Variants in HSD17B2 observed in about 807,000 individuals in gnomAD.
HSD17B2 encodes 17-beta-hydroxysteroid dehydrogenase type 2.
A neutral mutation model predicts 26.9 loss-of-function variants in HSD17B2; 32 were observed. That is an observed-to-expected ratio of 1.19 (90% CI 0.90 to 1.60). The LOEUF is 1.60. Ranked by LOEUF, HSD17B2 falls within the 40% of genes most tolerant of loss-of-function variation. The pLI, the probability that HSD17B2 is intolerant of heterozygous loss-of-function variation, is 0.00. For synonymous variants in HSD17B2, 246 were observed against 186.7 expected, an observed-to-expected ratio of 1.32 and a Z score of -2.59; for missense variants, 613 against 468.6, an observed-to-expected ratio of 1.31 and a Z score of -2.85.
intron 1 of HSD17B2, 113 bp from the exon 2 acceptor site, chr16:82,068,057 C>A: frequency 1.1e-6 from 1 of 943,792 alleles, no homozygotes. Context: ...TCAGGAACCC[C>A]TCTCTTCAGA....
chr16:82,068,044 TC>T, intron 1 of HSD17B2, 125 bp from the exon 2 acceptor site: 4 of 808,470 alleles, frequency 4.9e-6, no homozygotes, highest in Non-Finnish European at 7.8e-6. Flanking sequence ...TAAAGAAACT[TC>T]CTCAGGAACC....
chr16:82,042,600 CTTATA>C (rs556099667), intron 1 of HSD17B2, among the ~76,000 whole-genome samples: 395 of 152,110 alleles, frequency 2.6e-3, no homozygotes, highest in Non-Finnish European at 4.1e-3. Flanking sequence ...TGATTTCTTT[CTTATA>C]TTATATTTTA....
intron 1 of HSD17B2, among the ~76,000 whole-genome samples, chr16:82,047,987 T>C (rs980801995): frequency 7.2e-5 from 11 of 152,216 alleles, no homozygotes; most frequent in African/African-American, 2.7e-4. Context: ...AGGAGCTGAC[T>C]TTGCGAAAAA....
chr16:82,038,468 G>A (rs1913680167), intron 1 of HSD17B2, among the ~76,000 whole-genome samples: 1 of 152,188 alleles, frequency 6.6e-6, no homozygotes, highest in African/African-American at 2.4e-5. Context: ...TCCTGCCTCA[G>A]CCTCTCAAGT....
At chr16:82,047,823 G>A (rs1239989879) in intron 1 of HSD17B2, among the ~76,000 whole-genome samples, 1 of 152,180 alleles carries the variant, frequency 6.6e-6, no homozygotes, top group Non-Finnish European at 1.5e-5. Context: ...TGAGCTCCAT[G>A]CAGGGAGGCA....
intron 3 of HSD17B2, among the ~76,000 whole-genome samples, chr16:82,074,568 T>C (rs572742905): frequency 6.6e-6 from 1 of 152,144 alleles, no homozygotes; most frequent in East Asian, 1.9e-4. Flanking sequence ...TCAGGCAAAA[T>C]AGATTTCAAG....
At chr16:82,055,019 G>A (rs1198095294) in intron 1 of HSD17B2, among the ~76,000 whole-genome samples, 1 of 152,194 alleles carries the variant, frequency 6.6e-6, no homozygotes, top group Non-Finnish European at 1.5e-5. Context: ...GGGATGTTTA[G>A]CAGCTCTCTG....
At chr16:82,061,096 T>C (rs1158885534) in intron 1 of HSD17B2, among the ~76,000 whole-genome samples, 1 of 151,890 alleles carries the variant, frequency 6.6e-6, no homozygotes, top group African/African-American at 2.4e-5. Flanking sequence ...CCGTCTCTAT[T>C]AAAAATACAA....
chr16:82,045,171 C>G (rs1227650970), intron 1 of HSD17B2, among the ~76,000 whole-genome samples: 1 of 149,636 alleles, frequency 6.7e-6, no homozygotes, highest in African/African-American at 2.5e-5. Context: ...AAAATCAACT[C>G]TCTGAATAGC....
intron 1 of HSD17B2, among the ~76,000 whole-genome samples, chr16:82,050,979 C>G (rs1304634793): frequency 6.6e-6 from 1 of 152,152 alleles, no homozygotes; most frequent in Non-Finnish European, 1.5e-5. Flanking sequence ...TAGACAATGC[C>G]AAATGCCTCA....
At position 82,043,406 on chromosome 16, in the gene HSD17B2, C is replaced by CCAACCATTTCCCAACACCT. The variant is rs1913821320; in HGVS notation, c.265+7717_265+7718insCAACCATTTCCCAACACCT. ...GGTTTATAAAAATCATATAGATGGC[C>CCAACCATTTCCCAACACCT]GGGCGCGGTGGCTCATGCCTGTAAT... On this transcript the variant is annotated intron_variant, in intron 1 of 4. Coordinates refer to ENST00000199936, the MANE Select transcript of HSD17B2 (RefSeq NM_002153.3). Among the ~76,000 whole-genome samples, 5 of 144,930 alleles carry CCAACCATTTCCCAACACCT rather than the reference C, an allele frequency of 3.4e-5. 1 individual carries two copies. The highest frequency in any genetic ancestry group is 2.0e-4 in the Admixed American group (3 of 15,170).
At chr16:82,096,219 G>A (rs1430390077) in intron 4 of HSD17B2, 1 of 151,882 alleles carries the variant, frequency 6.6e-6, no homozygotes, top group African/African-American at 2.4e-5. Context: ...TTAAAATCCT[G>A]TATTTATTTA....
At chr16:82,063,447 A>G (rs1320571057) in intron 1 of HSD17B2, among the ~76,000 whole-genome samples, 1 of 152,176 alleles carries the variant, frequency 6.6e-6, no homozygotes, top group Non-Finnish European at 1.5e-5. Flanking sequence ...CAGGAATAGC[A>G]GGGCTAGACT....
At chr16:82,073,056 C>T (rs1013607960) in intron 3 of HSD17B2, among the ~76,000 whole-genome samples, 1 of 152,052 alleles carries the variant, frequency 6.6e-6, no homozygotes, top group Non-Finnish European at 1.5e-5. Context: ...GTGAGACGCT[C>T]TCTCAAAAAA....
At position 82,098,327 on chromosome 16, in the gene HSD17B2, A is replaced by G; in HGVS notation, c.1055A>G (p.His352Arg). ...GCTTACTTGTGGATCTGCCTTGCTC[A>G]CTATTTGCCTATTGGCATATATGAT... ...KGAYLWICLA[H>R]YLPIGIYDYF... The change falls in exon 5 of 5, where the codon CAC becomes CGC. Residue 352 changes from histidine (H) to arginine (R), a missense_variant. Transcript: ENST00000199936. 1 of 1,614,192 alleles carries G rather than the reference A, an allele frequency of 6.2e-7. No homozygotes were observed. The highest frequency in any genetic ancestry group is 8.5e-7 in the Non-Finnish European group (1 of 1,180,010).
chr16:82,093,794 G>A (rs1348753296), intron 4 of HSD17B2: 2 of 152,194 alleles, frequency 1.3e-5, no homozygotes, highest in Non-Finnish European at 2.9e-5. Flanking sequence ...CTGCTTGACT[G>A]AGTATACTTA....
At chr16:82,080,874 A>G in intron 3 of HSD17B2, among the ~76,000 whole-genome samples, 1 of 152,202 alleles carries the variant, frequency 6.6e-6, no homozygotes, top group South Asian at 2.1e-4. Context: ...ATTTTACTAG[A>G]GATTCCATAT....
intron 2 of HSD17B2, 31 bp downstream of exon 2, chr16:82,068,413 C>T: frequency 1.3e-6 from 2 of 1,559,628 alleles, no homozygotes; most frequent in Middle Eastern, 2.2e-4. Context: ...AGTGCCTTTA[C>T]CCTCCTCCTG....
intron 3 of HSD17B2, among the ~76,000 whole-genome samples, chr16:82,083,651 T>C (rs139398889): frequency 6.6e-6 from 1 of 152,186 alleles, no homozygotes; most frequent in Non-Finnish European, 1.5e-5. Context: ...ACAGTCTGTA[T>C]GCTTGCAGCT....
Sources: allele counts gnomAD v4.1 joint callset (sites outside exome capture counted in the v4.1 genomes callset), GRCh38; gene constraint gnomAD v4.1.1; transcripts MANE v1.5; gene names NCBI Gene and HGNC (gene_info 2026-07-23, HGNC 2026-07-21).